Variants in JMJD1C observed in about 807,000 individuals in gnomAD.
The protein encoded by JMJD1C is jumonji domain containing 1C.
A neutral mutation model predicts 245.3 loss-of-function variants in JMJD1C; 31 were observed. The ratio of observed to expected loss-of-function variants is 0.13; its 90% confidence interval spans 0.09 to 0.17. The LOEUF is 0.17. Among genes scored for constraint, JMJD1C ranks in the 10% least tolerant of loss-of-function variants. The probability of loss-of-function intolerance (pLI) is 1.00; values close to 1 mark genes in which losing one functional copy is unlikely to be tolerated. For missense variants in JMJD1C, 2,691 were observed against 3,000.2 expected, an observed-to-expected ratio of 0.90 and a Z score of 2.41; for synonymous variants, 1,057 against 1,017.4, an observed-to-expected ratio of 1.04 and a Z score of -0.74.
intron 2 of JMJD1C, among the ~76,000 whole-genome samples, chr10:63,296,714 G>A (rs1859473758): frequency 6.6e-6 from 1 of 152,166 alleles, no homozygotes; most frequent in African/African-American, 2.4e-5. Flanking sequence ...AATTTTTAGT[G>A]AGTAGGCATA....
intron 1 of JMJD1C, among the ~76,000 whole-genome samples, chr10:63,387,538 C>T (rs1229812249): frequency 7.3e-6 from 1 of 136,776 alleles, no homozygotes; most frequent in African/African-American, 2.5e-5. Context: ...ACATTCAAAC[C>T]TTCAACAGAC....
At position 63,420,336 on chromosome 10, in the gene JMJD1C, T is replaced by G. The variant is rs76233070; in HGVS notation, c.169-39854A>C. 9.9e-3 allele frequency among the ~76,000 whole-genome samples: 1,506 copies of G among 152,180 alleles called. 23 individuals carry two copies. Among genetic ancestry groups the G allele is most frequent in the African/African-American group, 0.034 (1,395 of 41,522 alleles). Reference sequence around the variant, plus strand: ...AACAAAAGTACCACATATGAAAATTTGTGAACACAGTGTAAGAATAAAGGG... The same window carrying G: ...AACAAAAGTACCACATATGAAAATTGGTGAACACAGTGTAAGAATAAAGGG... On this transcript the variant is annotated intron_variant, in intron 1 of 25. Transcript: ENST00000399262.
intron 1 of JMJD1C, among the ~76,000 whole-genome samples, chr10:63,462,429 T>TA (rs955623694): frequency 3.7e-4 from 56 of 152,310 alleles, no homozygotes; most frequent in South Asian, 2.1e-3. Context: ...CACGGTGTGG[T>TA]AAAAAATAAT....
chr10:63,432,043 A>C (rs1950789504), intron 1 of JMJD1C, among the ~76,000 whole-genome samples: 1 of 152,188 alleles, frequency 6.6e-6, no homozygotes, highest in Non-Finnish European at 1.5e-5. Context: ...TCACTTTTGT[A>C]ACTGTTGCGC....
rs1455275311 is a variant in JMJD1C at position 63,215,130 on chromosome 10, T to C, written c.1037A>G (p.Lys346Arg). 1.3e-6 allele frequency: 2 copies of C among 1,565,940 alleles called. No homozygotes were observed. Among genetic ancestry groups the C allele is most frequent in the Non-Finnish European group, 8.6e-7 (1 of 1,160,862 alleles). The change falls in exon 8 of 26, where the codon AAA becomes AGA. Residue 346 changes from lysine (K) to arginine (R), a missense_variant. By Grantham distance (26) the Lys-to-Arg change is conservative. Coordinates refer to ENST00000399262, the MANE Select transcript of JMJD1C (RefSeq NM_032776.3). ...SRGENPKGKNKHLMNKRRKPE... is the reference protein window; with the variant it reads ...SRGENPKGKNRHLMNKRRKPE... ...TTTCCTTCTTTTATTCATCAAGTGT[T>C]TGTTTTTACCTTTAGGATTTTCTGT...
At chr10:63,465,437 G>T (rs1426469210) in intron 1 of JMJD1C, 58 bp downstream of exon 1, 22 of 1,486,870 alleles carry the variant, frequency 1.5e-5, no homozygotes, top group Non-Finnish European at 2.0e-5. Flanking sequence ...TGCAAGGTAC[G>T]TCTGCGAGAG....
At chr10:63,244,200 T>C (rs987464729) in intron 3 of JMJD1C, among the ~76,000 whole-genome samples, 8 of 152,158 alleles carry the variant, frequency 5.3e-5, no homozygotes, top group African/African-American at 1.9e-4. Context: ...AGCAGCACCA[T>C]GCTGTGGAGA....
intron 2 of JMJD1C, among the ~76,000 whole-genome samples, chr10:63,280,510 A>C (rs1564728606): frequency 6.6e-6 from 1 of 152,200 alleles, no homozygotes; most frequent in Non-Finnish European, 1.5e-5. Flanking sequence ...AGATGGCATC[A>C]CTGCACTCCA....
At chr10:63,328,168 T>C (rs1589490535) in intron 2 of JMJD1C, among the ~76,000 whole-genome samples, 1 of 151,664 alleles carries the variant, frequency 6.6e-6, no homozygotes, top group South Asian at 2.1e-4. Flanking sequence ...CCAGCTACTT[T>C]GGAGGCTGAG....
At chr10:63,435,790 G>A (rs755347311) in intron 1 of JMJD1C, among the ~76,000 whole-genome samples, 4 of 152,068 alleles carry the variant, frequency 2.6e-5, no homozygotes, top group South Asian at 4.1e-4. Context: ...TCCCAGCTAC[G>A]CAGGAGGCTG....
rs1387955890 is a variant in JMJD1C, at chr10:63,194,375, T to A, written c.5645A>T (p.Asp1882Val). 1 of 1,596,566 alleles carries A rather than the reference T, an allele frequency of 6.3e-7. No homozygotes were observed. The highest frequency in any genetic ancestry group is 8.6e-7 in the Non-Finnish European group (1 of 1,164,280). ...YKAKERKSSR[D>V]KELYAWMKCV... The stretch of plus-strand genomic sequence containing the variant: ...CTTCATCCAAGCATATAGTTCTTTA[T>A]CTGTAAGATAATAAAACTTGTATAT... The change falls in exon 14 of 26, where the codon GAT becomes GTT. Residue 1882 changes from aspartate (D) to valine (V), a missense_variant and splice_region_variant. Coordinates refer to ENST00000399262, the MANE Select transcript of JMJD1C (RefSeq NM_032776.3).
intron 1 of JMJD1C, chr10:63,427,851 C>G: frequency 1.1e-6 from 1 of 946,970 alleles, no homozygotes; most frequent in Non-Finnish European, 1.7e-6. Flanking sequence ...CCAAGGAAGC[C>G]AAGGAGCAGG....
chr10:63,300,662 C>A (rs772206598), intron 2 of JMJD1C, among the ~76,000 whole-genome samples: 1 of 152,006 alleles, frequency 6.6e-6, no homozygotes, highest in Non-Finnish European at 1.5e-5. Context: ...GAGGCCAAGG[C>A]GGTAGATCTC....
At chr10:63,427,941 C>T in intron 1 of JMJD1C, 1 of 708,226 alleles carries the variant, frequency 1.4e-6, no homozygotes. Flanking sequence ...GCAGCAGCAG[C>T]AGTTTGTGTG....
In JMJD1C at chr10:63,201,822, C is replaced by T. The variant is rs530381343; in HGVS notation, c.5075-1145G>A. Among the ~76,000 whole-genome samples, 7 of 151,410 alleles carry T rather than the reference C, an allele frequency of 4.6e-5. No individual in the cohort carries two copies. In the East Asian group the frequency reaches 7.8e-4, roughly 17 times the overall value. On this transcript the variant is annotated intron_variant, in intron 10 of 25. Transcript: ENST00000399262. Reference sequence around the variant, plus strand: ...GCGCATACCTGTAGTCCCAGCTACTCGGGAGGCTGAGGCAGGAGAATCACT... The same window carrying T: ...GCGCATACCTGTAGTCCCAGCTACTTGGGAGGCTGAGGCAGGAGAATCACT...
intron 2 of JMJD1C, among the ~76,000 whole-genome samples, chr10:63,348,930 G>A (rs1014321481): frequency 6.6e-6 from 1 of 151,590 alleles, no homozygotes; most frequent in Non-Finnish European, 1.5e-5. Context: ...GTGAAACCCC[G>A]TCTCTACTAA....
rs115491007 is a variant in JMJD1C, at chr10:63,212,285, A to C, written c.2694+1188T>G. The stretch of plus-strand genomic sequence containing the variant: ...AACACTACTGAACTGTACACTTAAA[A>C]ATATTTAAGATGGCACATTTAATAT... On this transcript the variant is annotated intron_variant, in intron 8 of 25. Transcript: ENST00000399262. Among the ~76,000 whole-genome samples, 1,375 of 152,282 alleles carry C rather than the reference A, an allele frequency of 9.0e-3. 21 individuals are homozygous for C. The highest frequency in any genetic ancestry group is 0.031 in the African/African-American group (1,303 of 41,546).
At chr10:63,439,025 T>C (rs1336110057) in intron 1 of JMJD1C, among the ~76,000 whole-genome samples, 1 of 152,224 alleles carries the variant, frequency 6.6e-6, no homozygotes, top group Non-Finnish European at 1.5e-5. Context: ...GTGCCTGATA[T>C]GTACAAGGCA....
At chr10:63,424,502 T>TTC (rs1463217159) in intron 1 of JMJD1C, among the ~76,000 whole-genome samples, 136 of 144,614 alleles carry the variant, frequency 9.4e-4, no homozygotes, top group Non-Finnish European at 1.6e-3. Context: ...TATTTCTTTT[T>TTC]TTTTTTTTTT....
Sources: gnomAD v4.1 joint callset for allele counts (sites outside exome capture counted in the v4.1 genomes callset) on GRCh38, gnomAD v4.1.1 for gene constraint, MANE v1.5 for transcripts, NCBI Gene and HGNC (gene_info 2026-07-23, HGNC 2026-07-21) for gene names.